Variants in PLCB1 observed in about 807,000 individuals in gnomAD.
The protein encoded by PLCB1 is phospholipase C beta 1.
Under a neutral mutation model 161.8 loss-of-function variants are expected in PLCB1, and 46 were observed. That is an observed-to-expected ratio of 0.28 (90% CI 0.22 to 0.36). The LOEUF (loss-of-function observed/expected upper bound fraction) is 0.36, where lower values mean the gene tolerates loss of function less well. Ranked by LOEUF, PLCB1 falls within the 10% of genes least tolerant of loss-of-function variation. The pLI is 1.00. For missense variants in PLCB1, 1,016 were observed against 1,472.5 expected (o/e 0.69, Z 5.07); for synonymous variants, 517 against 503.7 (o/e 1.03, Z -0.35).
chr20:8,234,880 C>T (rs1053907096), intron 2 of PLCB1, among the ~76,000 whole-genome samples: 2 of 152,088 alleles, frequency 1.3e-5, no homozygotes, highest in Non-Finnish European at 2.9e-5. Flanking sequence ...GAATATAATG[C>T]TTACTGGCTT....
At chr20:8,507,908 A>G (rs573035499) in intron 3 of PLCB1, among the ~76,000 whole-genome samples, 26 of 152,334 alleles carry the variant, frequency 1.7e-4, no homozygotes, top group South Asian at 1.2e-3. Flanking sequence ...TTCTAATGCC[A>G]TGATTTTGCA....
At chr20:8,568,239 C>A (rs1986403180) in intron 3 of PLCB1, among the ~76,000 whole-genome samples, 1 of 152,124 alleles carries the variant, frequency 6.6e-6, no homozygotes, top group African/African-American at 2.4e-5. Flanking sequence ...ATGAAACATT[C>A]CTATTGCTGT....
intron 2 of PLCB1, among the ~76,000 whole-genome samples, chr20:8,187,055 T>A (rs1320723443): frequency 6.6e-6 from 1 of 152,144 alleles, no homozygotes; most frequent in Non-Finnish European, 1.5e-5. Context: ...TACCAGTACA[T>A]CTTTCTAAAG....
chr20:8,331,180 T>C (rs949666624), intron 2 of PLCB1, among the ~76,000 whole-genome samples: 2 of 152,150 alleles, frequency 1.3e-5, no homozygotes, highest in Admixed American at 1.3e-4. Context: ...CAAAGAACAA[T>C]AAAACCTTGT....
At chr20:8,263,318 A>G (rs1981800500) in intron 2 of PLCB1, among the ~76,000 whole-genome samples, 2 of 149,876 alleles carry the variant, frequency 1.3e-5, no homozygotes, top group South Asian at 4.3e-4. Flanking sequence ...ACTGTATTAA[A>G]AAGGAGATGC....
intron 10 of PLCB1, among the ~76,000 whole-genome samples, chr20:8,696,166 AG>A (rs1990579358): frequency 6.6e-6 from 1 of 152,070 alleles, no homozygotes; most frequent in African/African-American, 2.4e-5. Context: ...ATCCAATTTG[AG>A]TTTAGTTCTC....
chr20:8,576,046 T>C (rs6055912), intron 3 of PLCB1, among the ~76,000 whole-genome samples: 32,866 of 152,174 alleles, frequency 0.22, 3,703 homozygotes, highest in East Asian at 0.31. Context: ...CATACTCACA[T>C]GTTCAAATAA....
At chr20:8,209,805 G>C (rs1185173982) in intron 2 of PLCB1, among the ~76,000 whole-genome samples, 1 of 152,052 alleles carries the variant, frequency 6.6e-6, no homozygotes, top group Non-Finnish European at 1.5e-5. Flanking sequence ...ACATGCACAA[G>C]TGTTCATCCC....
intron 2 of PLCB1, among the ~76,000 whole-genome samples, chr20:8,238,812 A>G (rs1302361262): frequency 2.0e-5 from 3 of 151,904 alleles, no homozygotes; most frequent in Non-Finnish European, 2.9e-5. Flanking sequence ...GCCTAAAAGT[A>G]TATAGAAATG....
At chr20:8,745,555 G>T (rs930749087) in intron 23 of PLCB1, among the ~76,000 whole-genome samples, 5 of 151,800 alleles carry the variant, frequency 3.3e-5, no homozygotes, top group African/African-American at 9.7e-5. Context: ...TTGAACAATA[G>T]ATATTTATTT....
intron 31 of PLCB1, among the ~76,000 whole-genome samples, chr20:8,867,505 G>A (rs375482344): frequency 2.6e-4 from 40 of 152,344 alleles, no homozygotes; most frequent in Non-Finnish European, 4.4e-4. Flanking sequence ...AAAATAATTA[G>A]CCTCTGAATG....
intron 23 of PLCB1, among the ~76,000 whole-genome samples, chr20:8,744,532 C>T (rs1350598437): frequency 6.6e-6 from 1 of 151,174 alleles, no homozygotes; most frequent in Admixed American, 6.6e-5. Flanking sequence ...TGCTTGAGTC[C>T]AGGAGACAGA....
At chr20:8,314,949 C>T (rs1043549283) in intron 2 of PLCB1, among the ~76,000 whole-genome samples, 3 of 152,220 alleles carry the variant, frequency 2.0e-5, no homozygotes, top group Non-Finnish European at 2.9e-5. Flanking sequence ...GATTGGTTAC[C>T]GGATTTGACC....
intron 2 of PLCB1, among the ~76,000 whole-genome samples, chr20:8,328,686 C>T (rs1462330282): frequency 6.6e-6 from 1 of 151,928 alleles, no homozygotes; most frequent in East Asian, 1.9e-4. Context: ...TAATATGCAA[C>T]TTTGGGTATA....
At chr20:8,716,572 G>A (rs1381053238) in intron 13 of PLCB1, among the ~76,000 whole-genome samples, 7 of 152,180 alleles carry the variant, frequency 4.6e-5, no homozygotes. Flanking sequence ...CTGGCTGCCT[G>A]ATGAAACTCA....
chr20:8,278,247 GAAAC>G (rs1261847562), intron 2 of PLCB1, among the ~76,000 whole-genome samples: 3 of 74,226 alleles, frequency 4.0e-5, no homozygotes, highest in African/African-American at 6.1e-5. Context: ...TGTGAACAAA[GAAAC>G]AATCATATAT....
chr20:8,239,832 TA>T (rs1980513354), intron 2 of PLCB1, among the ~76,000 whole-genome samples: 1 of 152,010 alleles, frequency 6.6e-6, no homozygotes, highest in Admixed American at 6.6e-5. Flanking sequence ...TAATGCACTG[TA>T]AAATGGGTTT....
At chr20:8,417,054 C>CACATATAT (rs1491529799) in intron 3 of PLCB1, among the ~76,000 whole-genome samples, 5 of 38,008 alleles carry the variant, frequency 1.3e-4, no homozygotes, top group Non-Finnish European at 2.0e-4. Flanking sequence ...CACACACACA[C>CACATATAT]ATATATATAT....
At chr20:8,684,275 GAGA>G (rs1644451470) in intron 9 of PLCB1, among the ~76,000 whole-genome samples, 20 of 142,502 alleles carry the variant, frequency 1.4e-4, no homozygotes, top group Admixed American at 1.3e-3. Flanking sequence ...TTTTTATTTT[GAGA>G]AGGAGTCTCG....
Sources: allele counts gnomAD v4.1 joint callset (sites outside exome capture counted in the v4.1 genomes callset), GRCh38; gene constraint gnomAD v4.1.1; transcripts MANE v1.5; gene names NCBI Gene and HGNC (gene_info 2026-07-23, HGNC 2026-07-21).